TMEM131L: variants seen among roughly 807,000 people sequenced by gnomAD.
TMEM131L encodes transmembrane 131 like, also known as transmembrane protein 131-like.
TMEM131L carries 54 observed loss-of-function variants against 192.2 expected under a neutral mutation model. That is an observed-to-expected ratio of 0.28 (90% CI 0.23 to 0.35). The LOEUF is 0.35. TMEM131L is among the 10% of genes least tolerant of loss of function. The pLI is 1.00. For synonymous variants in TMEM131L, 701 were observed against 704.9 expected, an observed-to-expected ratio of 0.99 and a Z score of 0.09; for missense variants, 1,888 against 1,972.9, an observed-to-expected ratio of 0.96 and a Z score of 0.82.
rs553705761 is a variant in TMEM131L at position 153,480,359 on chromosome 4, A to G, written c.239+6471A>G. ...GTCTCAAAAGAAAACAAAACAAAACAAAAACCAAAAATAAGCCGGGCGTGG... is the reference window on the plus strand; with the variant it reads ...GTCTCAAAAGAAAACAAAACAAAACGAAAACCAAAAATAAGCCGGGCGTGG... On this transcript the variant is annotated intron_variant, in intron 3 of 34. Coordinates refer to ENST00000409959, the MANE Select transcript of TMEM131L (RefSeq NM_001131007.2). Among the ~76,000 whole-genome samples, 49 of 151,974 alleles carry G rather than the reference A, an allele frequency of 3.2e-4. 1 individual carries two copies. The highest frequency in any genetic ancestry group is 9.6e-4 in the African/African-American group (40 of 41,452).
intron 3 of TMEM131L, among the ~76,000 whole-genome samples, chr4:153,536,719 T>C (rs377245338): frequency 4.2e-4 from 44 of 105,858 alleles, no homozygotes; most frequent in East Asian, 3.6e-3. Flanking sequence ...TGTCTATCTA[T>C]CTCCCTCCCT....
intron 4 of TMEM131L, among the ~76,000 whole-genome samples, chr4:153,552,425 T>C (rs6535927): frequency 0.44 from 66,555 of 151,996 alleles, 18,540 homozygotes; most frequent in African/African-American, 0.79. Flanking sequence ...ATGTTTACAG[T>C]TGTCCCTCGT....
At chr4:153,547,209 G>C (rs1737248043) in intron 3 of TMEM131L, among the ~76,000 whole-genome samples, 1 of 152,264 alleles carries the variant, frequency 6.6e-6, no homozygotes, top group South Asian at 2.1e-4. Context: ...TGAAGTTAGA[G>C]ACACTCTGGC....
intron 15 of TMEM131L, among the ~76,000 whole-genome samples, chr4:153,588,342 T>G (rs866652439): frequency 6.7e-6 from 1 of 150,118 alleles, no homozygotes; most frequent in Admixed American, 6.6e-5. Context: ...GTATAGTTTT[T>G]TTTTTTTTTT....
chr4:153,530,046 T>A (rs1735777705), intron 3 of TMEM131L, among the ~76,000 whole-genome samples: 1 of 152,148 alleles, frequency 6.6e-6, no homozygotes, highest in African/African-American at 2.4e-5. Context: ...TTTTTTTTTT[T>A]TTAGGTCTGT....
intron 7 of TMEM131L, among the ~76,000 whole-genome samples, chr4:153,565,451 T>G (rs1729127612): frequency 6.6e-6 from 1 of 152,150 alleles, no homozygotes; most frequent in South Asian, 2.1e-4. Flanking sequence ...GGACTTAGAG[T>G]TTAAGTTACT....
chr4:153,596,462 C>T (rs1040012010), intron 20 of TMEM131L, 77 bp downstream of exon 20: 17 of 1,539,014 alleles, frequency 1.1e-5, no homozygotes, highest in South Asian at 4.6e-5. Context: ...TGATAGTTGA[C>T]GTTCACTTCT....
At chr4:153,482,252 T>C (rs1322074248) in intron 3 of TMEM131L, among the ~76,000 whole-genome samples, 1 of 152,196 alleles carries the variant, frequency 6.6e-6, no homozygotes, top group Non-Finnish European at 1.5e-5. Context: ...TACAGGGTCC[T>C]GTGGGCTCTG....
chr4:153,536,815 C>T (rs1736371284), intron 3 of TMEM131L, among the ~76,000 whole-genome samples: 1 of 147,360 alleles, frequency 6.8e-6, no homozygotes, highest in Admixed American at 6.8e-5. Context: ...AATAGGTTGT[C>T]TGCAAGCTGA....
chr4:153,472,037 A>G (rs1396963013), intron 2 of TMEM131L, among the ~76,000 whole-genome samples: 2 of 152,140 alleles, frequency 1.3e-5, no homozygotes, highest in Non-Finnish European at 2.9e-5. Context: ...TCTTTTTGTC[A>G]TAGAGATTTA....
In TMEM131L at chr4:153,603,306, G is replaced by A. The variant is rs768144705; in HGVS notation, c.2643G>A (p.Leu881=). 4 of 1,613,144 alleles carry A rather than the reference G, an allele frequency of 2.5e-6. No homozygotes were observed. The South Asian group carries it at 3.3e-5, about 13-fold the overall frequency. ...FWRLTVFFVS[L]SLLGVILIAF... is the part of the protein sequence containing the mutation. Reference sequence around the variant, plus strand: ...ACCTTGTTGCTTTCTTCCTCAGTTTGTCCCTGTTGGGTGTGATTTTAATAG... The same window carrying A: ...ACCTTGTTGCTTTCTTCCTCAGTTTATCCCTGTTGGGTGTGATTTTAATAG... Residue 881 remains leucine (L), a synonymous_variant, in exon 24 of 35, where the codon TTG becomes TTA. Transcript: ENST00000409959.
chr4:153,552,847 CA>C (rs1040491513), intron 4 of TMEM131L, among the ~76,000 whole-genome samples: 1 of 150,522 alleles, frequency 6.6e-6, no homozygotes, highest in South Asian at 2.1e-4. Flanking sequence ...AAAACAAAAA[CA>C]AAAAAAACTC....
At chr4:153,580,107 C>CT (rs1202366051) in intron 7 of TMEM131L, among the ~76,000 whole-genome samples, 1 of 151,890 alleles carries the variant, frequency 6.6e-6, no homozygotes, top group Non-Finnish European at 1.5e-5. Flanking sequence ...ACATACTGCA[C>CT]TGAGTAACTT....
At chr4:153,487,544 A>T (rs1732425574) in intron 3 of TMEM131L, among the ~76,000 whole-genome samples, 1 of 152,128 alleles carries the variant, frequency 6.6e-6, no homozygotes, top group Non-Finnish European at 1.5e-5. Context: ...GGGAGAATTC[A>T]TTCATTATAA....
intron 3 of TMEM131L, among the ~76,000 whole-genome samples, chr4:153,532,587 C>G (rs910307101): frequency 1.3e-5 from 2 of 152,014 alleles, no homozygotes; most frequent in African/African-American, 4.8e-5. Flanking sequence ...ACTTTTATCC[C>G]TCCTAAAATA....
intron 12 of TMEM131L, 147 bp from the exon 13 acceptor site, chr4:153,585,311 A>G: frequency 1.3e-6 from 1 of 782,264 alleles, no homozygotes; most frequent in Non-Finnish European, 2.1e-6. Context: ...AGAAGGTTGA[A>G]GGAGGCGATT....
chr4:153,534,102 G>A (rs1373934192), intron 3 of TMEM131L, among the ~76,000 whole-genome samples: 2 of 152,174 alleles, frequency 1.3e-5, no homozygotes, highest in African/African-American at 2.4e-5. Context: ...GGCCTGAATT[G>A]TGATTTTATA....
At chr4:153,478,241 C>T (rs1731689590) in intron 3 of TMEM131L, among the ~76,000 whole-genome samples, 1 of 152,098 alleles carries the variant, frequency 6.6e-6, no homozygotes, top group South Asian at 2.1e-4. Flanking sequence ...TTTGAAAATG[C>T]AGATTCTGAA....
intron 3 of TMEM131L, among the ~76,000 whole-genome samples, chr4:153,549,623 T>C (rs1737457341): frequency 6.6e-6 from 1 of 152,234 alleles, no homozygotes; most frequent in African/African-American, 2.4e-5. Context: ...GTTATTCTTA[T>C]GCAGGCTTGT....
Sources: allele counts gnomAD v4.1 joint callset (sites outside exome capture counted in the v4.1 genomes callset), GRCh38; gene constraint gnomAD v4.1.1; transcripts MANE v1.5; gene names NCBI Gene and HGNC (gene_info 2026-07-23, HGNC 2026-07-21).